NCOA2: variants seen among roughly 807,000 people sequenced by gnomAD.
NCOA2 encodes nuclear receptor coactivator 2, also known as class E basic helix-loop-helix protein 75.
Under a neutral mutation model 145.1 loss-of-function variants are expected in NCOA2, and 21 were observed. The observed-to-expected ratio is 0.14, with a 90% CI of 0.10 to 0.21. NCOA2 has a LOEUF of 0.21. Among genes scored for constraint, NCOA2 ranks in the 10% least tolerant of loss-of-function variants. NCOA2 has a pLI of 1.00. For missense variants in NCOA2, 1,472 were observed against 1,837.6 expected (o/e 0.80, Z 3.64); for synonymous variants, 619 against 637.5 (o/e 0.97, Z 0.44).
chr8:70,115,504 A>C (rs1806993783), intron 22 of NCOA2, among the ~76,000 whole-genome samples: 1 of 152,214 alleles, frequency 6.6e-6, no homozygotes, highest in South Asian at 2.1e-4. Context: ...GATGGTTGTA[A>C]GGATTAAACA....
In NCOA2 at chr8:70,342,084, A is replaced by G. The variant is rs542292473; in HGVS notation, c.-76-45284T>C. On this transcript the variant is annotated intron_variant, in intron 1 of 22. Transcript: ENST00000452400. ...TTTGTTATCTGTACTACAGAACTCG[A>G]TAATATACCTAATACTTCCATGAGC... 2.6e-5 allele frequency among the ~76,000 whole-genome samples: 4 copies of G among 152,336 alleles called. No homozygotes were observed. In the South Asian group the frequency reaches 8.3e-4, roughly 32 times the overall value.
At chr8:70,223,937 T>G (rs746022247) in intron 2 of NCOA2, among the ~76,000 whole-genome samples, 1 of 152,244 alleles carries the variant, frequency 6.6e-6, no homozygotes, top group Non-Finnish European at 1.5e-5. Flanking sequence ...ACAGTGACTA[T>G]GTAATTTGAA....
At chr8:70,373,565 AT>A (rs1317105807) in intron 1 of NCOA2, among the ~76,000 whole-genome samples, 3 of 152,066 alleles carry the variant, frequency 2.0e-5, no homozygotes, top group African/African-American at 4.8e-5. Flanking sequence ...CTAATTTATC[AT>A]TTTTTCTTTT....
chr8:70,410,738 A>G, the NCOA2 span, among the ~76,000 whole-genome samples: 11 of 152,346 alleles, frequency 7.2e-5, no homozygotes, highest in African/African-American at 2.2e-4. Flanking sequence ...CAAGGAACAA[A>G]TTACTGAAAT....
At chr8:70,126,189 A>G (rs1808393834) in intron 19 of NCOA2, among the ~76,000 whole-genome samples, 2 of 152,182 alleles carry the variant, frequency 1.3e-5, no homozygotes, top group Non-Finnish European at 2.9e-5. Context: ...CATTAACTGA[A>G]CATGACATGC....
chr8:70,291,226 T>C (rs1826655221), intron 2 of NCOA2, among the ~76,000 whole-genome samples: 1 of 152,224 alleles, frequency 6.6e-6, no homozygotes, highest in Admixed American at 6.5e-5. Flanking sequence ...TCTCTCCTGT[T>C]TTCTAGTACA....
intron 4 of NCOA2, among the ~76,000 whole-genome samples, chr8:70,198,556 T>C (rs923831132): frequency 3.3e-5 from 5 of 152,134 alleles, no homozygotes; most frequent in African/African-American, 7.2e-5. Flanking sequence ...GGATGGATTA[T>C]AGAAGGTAAA....
rs1563569685 is a variant in NCOA2, at chr8:70,174,854, C to T, written c.265G>A (p.Ala89Thr). The T allele has an allele frequency of 5.6e-6, 9 of 1,613,130 alleles. No individual in the cohort carries two copies. Among genetic ancestry groups the T allele is most frequent in the African/African-American group, 2.7e-5 (2 of 74,892 alleles). ...ACTTCATCTATGTTGGCAGCTGCTG[C>T]TTTCTCTGCAATAAACATAAGTGTG... ...QIRQIKEQEK[A>T]AAANIDEVQK... The change falls in exon 5 of 23, where the codon GCA becomes ACA. Residue 89 changes from alanine (A) to threonine (T), a missense_variant. Physicochemically the swap from Ala to Thr is moderately conservative, Grantham distance 58. Coordinates refer to ENST00000452400, the MANE Select transcript of NCOA2 (RefSeq NM_006540.4).
intron 1 of NCOA2, among the ~76,000 whole-genome samples, chr8:70,297,832 C>G (rs1396259847): frequency 5.3e-5 from 8 of 152,228 alleles, no homozygotes; most frequent in Non-Finnish European, 2.9e-5. Context: ...GATCCTTCCA[C>G]TGCACCAATT....
chr8:70,164,952 A>G (rs951577310), intron 7 of NCOA2, among the ~76,000 whole-genome samples: 16 of 152,136 alleles, frequency 1.1e-4, no homozygotes, highest in Admixed American at 7.9e-4. Flanking sequence ...TAACTTGTCC[A>G]ATGTCACGCA....
intron 4 of NCOA2, among the ~76,000 whole-genome samples, chr8:70,184,828 A>G (rs1293278260): frequency 6.6e-6 from 1 of 152,160 alleles, no homozygotes; most frequent in East Asian, 1.9e-4. Context: ...GCTTCACCTT[A>G]ATGGTGGCTA....
chr8:70,299,017 G>A (rs932832705), intron 1 of NCOA2, among the ~76,000 whole-genome samples: 8 of 151,984 alleles, frequency 5.3e-5, no homozygotes, highest in African/African-American at 1.7e-4. Flanking sequence ...CCGAGATCGC[G>A]CCACTATACT....
At chr8:70,135,142 T>G (rs1201597750) in intron 15 of NCOA2, among the ~76,000 whole-genome samples, 1 of 152,162 alleles carries the variant, frequency 6.6e-6, no homozygotes, top group Non-Finnish European at 1.5e-5. Flanking sequence ...CTCCAAAAGA[T>G]GCTACACATA....
the NCOA2 span, among the ~76,000 whole-genome samples, chr8:70,437,810 A>G: frequency 6.6e-6 from 1 of 152,238 alleles, no homozygotes; most frequent in South Asian, 2.1e-4. Context: ...GTTTGACAAC[A>G]TAATCATTAT....
At chr8:70,383,951 G>C (rs938722031) in intron 1 of NCOA2, among the ~76,000 whole-genome samples, 1 of 152,134 alleles carries the variant, frequency 6.6e-6, no homozygotes, top group Non-Finnish European at 1.5e-5. Context: ...TGTGGATCTG[G>C]AAATTTTCCA....
intron 2 of NCOA2, among the ~76,000 whole-genome samples, chr8:70,279,293 T>C (rs192525573): frequency 1.8e-4 from 28 of 152,270 alleles, no homozygotes; most frequent in Non-Finnish European, 3.1e-4. Flanking sequence ...CAATATGCCA[T>C]CACCTCCACA....
At chr8:70,261,862 C>T (rs1347781016) in intron 2 of NCOA2, among the ~76,000 whole-genome samples, 1 of 151,886 alleles carries the variant, frequency 6.6e-6, no homozygotes, top group Non-Finnish European at 1.5e-5. Flanking sequence ...TGACGATATG[C>T]TTTTATAGAA....
chr8:70,212,507 C>T lies in NCOA2; in HGVS notation c.259+1396G>A, dbSNP rs577637996. ...TTGCAGAGTGGGCTGGTGTTAGAAA[C>T]TGTGTTGTGAATGCTATATGTATAT... On this transcript the variant is annotated intron_variant, in intron 4 of 22. Coordinates refer to ENST00000452400, the MANE Select transcript of NCOA2 (RefSeq NM_006540.4). Among the ~76,000 whole-genome samples, 9 of 152,202 alleles carry T rather than the reference C, an allele frequency of 5.9e-5. No homozygotes were observed. In the South Asian group the frequency reaches 1.9e-3, roughly 32 times the overall value.
intron 1 of NCOA2, among the ~76,000 whole-genome samples, chr8:70,398,936 C>T (rs1813955238): frequency 6.6e-6 from 1 of 152,234 alleles, no homozygotes; most frequent in Admixed American, 6.5e-5. Flanking sequence ...GATCTACCTA[C>T]AGACCACCTA....
Sources: allele counts gnomAD v4.1 joint callset (sites outside exome capture counted in the v4.1 genomes callset), GRCh38; gene constraint gnomAD v4.1.1; transcripts MANE v1.5; gene names NCBI Gene and HGNC (gene_info 2026-07-23, HGNC 2026-07-21).